Variants in FMN1 observed in about 807,000 individuals in gnomAD.
FMN1 encodes formin-1.
In FMN1, 110 loss-of-function variants were observed where a neutral mutation model predicts 132.4. The observed-to-expected ratio is 0.83, with a 90% CI of 0.71 to 0.97. The LOEUF is 0.97. Ranked by LOEUF, FMN1 falls within the 50% of genes least tolerant of loss-of-function variation. FMN1 has a pLI of 0.00. For missense variants in FMN1, 1,792 were observed against 1,705.3 expected (o/e 1.05, Z -0.90); for synonymous variants, 722 against 651.7 (o/e 1.11, Z -1.64).
intron 3 of FMN1, among the ~76,000 whole-genome samples, chr15:33,165,636 C>T (rs544608428): frequency 6.6e-6 from 1 of 152,276 alleles, no homozygotes; most frequent in Non-Finnish European, 1.5e-5. Context: ...GATGATCCGC[C>T]TGCCTCGGCC....
rs779059150 is a variant in FMN1, at chr15:32,774,368, A to G, written c.4216-14T>C. 1 of 1,574,662 alleles carries G rather than the reference A, an allele frequency of 6.4e-7. No homozygotes were observed. The highest frequency in any genetic ancestry group is 8.6e-7 in the Non-Finnish European group (1 of 1,159,134). On this transcript the variant is annotated splice_polypyrimidine_tract_variant and intron_variant, in intron 20 of 20. Transcript: ENST00000616417. ...CAGTCTTTCTTTCTGTTAAGGAAAA[A>G]AAAATGAATGTATCATTTTCTTTCA...
At position 33,067,401 on chromosome 15, in the gene FMN1, T is replaced by C. The variant is rs1236083878; in HGVS notation, c.2044-2327A>G. The C allele has an allele frequency of 2.5e-6, 4 of 1,614,050 alleles. No homozygotes were observed. The South Asian group carries it at 4.4e-5, about 18-fold the overall frequency. ...CTAGGGGACTTTGGGCCATTGGTGCTGCTTCCCTCCTCTGGCTCCTGGCCA... is the reference window on the plus strand; with the variant it reads ...CTAGGGGACTTTGGGCCATTGGTGCCGCTTCCCTCCTCTGGCTCCTGGCCA... On this transcript the variant is annotated intron_variant, in intron 5 of 20. Coordinates refer to ENST00000616417, the MANE Select transcript of FMN1 (RefSeq NM_001277313.2).
intron 3 of FMN1, among the ~76,000 whole-genome samples, chr15:33,168,727 C>T (rs1965203939): frequency 1.3e-5 from 2 of 152,220 alleles, no homozygotes; most frequent in South Asian, 4.1e-4. Context: ...TCTGCTCAAG[C>T]ATTTAAACCA....
At chr15:32,943,409 C>T (rs905951574) in intron 9 of FMN1, among the ~76,000 whole-genome samples, 1 of 152,166 alleles carries the variant, frequency 6.6e-6, no homozygotes, top group Non-Finnish European at 1.5e-5. Flanking sequence ...CGCTGAATTC[C>T]ACCACCTGGC....
chr15:32,790,504 C>T (rs2057038134), intron 19 of FMN1, among the ~76,000 whole-genome samples: 1 of 152,096 alleles, frequency 6.6e-6, no homozygotes, highest in Admixed American at 6.5e-5. Flanking sequence ...TTTCTAAAAC[C>T]ACAGATTTCT....
At chr15:32,807,825 A>C (rs2057735731) in intron 17 of FMN1, among the ~76,000 whole-genome samples, 1 of 152,242 alleles carries the variant, frequency 6.6e-6, no homozygotes, top group African/African-American at 2.4e-5. Flanking sequence ...AGAAGAAATT[A>C]GAGATTTAAA....
At chr15:32,958,675 C>T (rs2030131276) in intron 9 of FMN1, among the ~76,000 whole-genome samples, 1 of 152,152 alleles carries the variant, frequency 6.6e-6, no homozygotes, top group African/African-American at 2.4e-5. Flanking sequence ...TCCACAGACT[C>T]TTGATCATTC....
chr15:32,845,345 T>C (rs2058831825), intron 17 of FMN1, among the ~76,000 whole-genome samples: 1 of 152,240 alleles, frequency 6.6e-6, no homozygotes, highest in African/African-American at 2.4e-5. Context: ...AATGGAAACT[T>C]TGTTGTTATT....
At chr15:33,103,353 G>A (rs1488407605) in intron 4 of FMN1, among the ~76,000 whole-genome samples, 8 of 151,962 alleles carry the variant, frequency 5.3e-5, no homozygotes, top group Non-Finnish European at 1.0e-4. Flanking sequence ...GGGAAATAAT[G>A]GTTCTCACCT....
intron 3 of FMN1, among the ~76,000 whole-genome samples, chr15:33,176,034 C>T (rs990334046): frequency 1.3e-5 from 2 of 152,056 alleles, no homozygotes; most frequent in African/African-American, 4.8e-5. Flanking sequence ...GAGAAATAGT[C>T]GGTTAGAGGG....
At chr15:32,856,505 G>A (rs890875231) in intron 17 of FMN1, among the ~76,000 whole-genome samples, 5 of 152,160 alleles carry the variant, frequency 3.3e-5, no homozygotes, top group African/African-American at 9.7e-5. Flanking sequence ...ACCCCCAGAG[G>A]GCTGATAGGT....
chr15:32,795,910 T>C lies in FMN1; in HGVS notation c.4130+2894A>G, dbSNP rs529365175. Among the ~76,000 whole-genome samples, 10 of 152,332 alleles carry C rather than the reference T, an allele frequency of 6.6e-5. No homozygotes were observed. In the East Asian group the frequency reaches 1.7e-3, roughly 26 times the overall value. ...ACAGTAGATTACTCTTCCAAAGATA[T>C]AGTTAATCTCCAGGTAAACCATATT... On this transcript the variant is annotated intron_variant, in intron 19 of 20. Transcript: ENST00000616417.
intron 2 of FMN1, among the ~76,000 whole-genome samples, chr15:33,181,772 G>A (rs531295204): frequency 1.4e-5 from 2 of 141,974 alleles, no homozygotes; most frequent in Admixed American, 1.5e-4. Context: ...GCAATGGCGT[G>A]ATCTCAGCTC....
Position 32,888,363 on chromosome 15 carries a change from C to G in FMN1, c.3715-71G>C. ...ACTTTCAGTTGAAATTCCAAAGCAT[C>G]AATGAGAAAAAAAAAAGCTTTTTTA... On this transcript the variant is annotated intron_variant, in intron 15 of 20. Transcript: ENST00000616417. 3 of 1,347,326 alleles carry G rather than the reference C, an allele frequency of 2.2e-6. No individual in the cohort carries two copies. In the South Asian group the frequency reaches 4.8e-5, roughly 22 times the overall value. The allele number at this position is 1,347,326 out of a possible 1,614,324, so 83.5% of individuals were successfully genotyped here.
At chr15:32,941,566 C>G (rs1354005253) in intron 9 of FMN1, among the ~76,000 whole-genome samples, 3 of 152,186 alleles carry the variant, frequency 2.0e-5, no homozygotes, top group Admixed American at 2.0e-4. Flanking sequence ...TCATTCCACT[C>G]CTAGTCTATG....
Position 32,774,229 on chromosome 15 carries a change from C to A in FMN1, c.*81G>T. The A allele has an allele frequency of 9.2e-7, 1 of 1,082,502 alleles. No homozygotes were observed. The allele number at this position is 1,082,502 out of a possible 1,614,324, so 67.1% of individuals were successfully genotyped here. ...CATTTAGTGACACATCTTTCAAGAA[C>A]GTCCTGCAACCCTGTGGTCACAAAG... On this transcript the variant is annotated 3_prime_UTR_variant, in exon 21 of 21. Coordinates refer to ENST00000616417, the MANE Select transcript of FMN1 (RefSeq NM_001277313.2).
intron 5 of FMN1, among the ~76,000 whole-genome samples, chr15:33,082,691 G>A (rs1036764265): frequency 2.6e-5 from 4 of 152,028 alleles, no homozygotes; most frequent in Admixed American, 6.6e-5. Context: ...CTAGTTCAGT[G>A]GAACATAAAA....
intron 6 of FMN1, among the ~76,000 whole-genome samples, chr15:33,052,713 A>T (rs1396861477): frequency 2.0e-5 from 3 of 152,212 alleles, no homozygotes; most frequent in African/African-American, 7.2e-5. Flanking sequence ...TTAAAGCCTG[A>T]AAGCCAAGCT....
intron 7 of FMN1, among the ~76,000 whole-genome samples, chr15:32,996,629 A>T (rs2140887024): frequency 6.6e-6 from 1 of 152,328 alleles, no homozygotes; most frequent in African/African-American, 2.4e-5. Flanking sequence ...GTAAATGCTC[A>T]ATTAAGTACC....
Sources: gnomAD v4.1 joint callset for allele counts (sites outside exome capture counted in the v4.1 genomes callset) on GRCh38, gnomAD v4.1.1 for gene constraint, MANE v1.5 for transcripts, NCBI Gene and HGNC (gene_info 2026-07-23, HGNC 2026-07-21) for gene names.